YEATS4: variants seen among roughly 807,000 people sequenced by gnomAD.
YEATS4 encodes the protein YEATS domain containing 4, also known as YEATS domain-containing protein 4.
Under a neutral mutation model 30.1 loss-of-function variants are expected in YEATS4, and 17 were observed. That is an observed-to-expected ratio of 0.56 (90% confidence interval 0.39 to 0.85). The LOEUF (loss-of-function observed/expected upper bound fraction) is 0.85. Ranked by LOEUF, YEATS4 falls within the 40% of genes least tolerant of loss-of-function variation. The pLI is 0.00. For synonymous variants in YEATS4, 85 were observed against 87.5 expected, an observed-to-expected ratio of 0.97 and a Z score of 0.16; for missense variants, 142 against 268.3, an observed-to-expected ratio of 0.53 and a Z score of 3.29.
the YEATS4 span, among the ~76,000 whole-genome samples, chr12:69,412,609 C>T: frequency 9.9e-5 from 15 of 152,066 alleles, no homozygotes; most frequent in East Asian, 1.2e-3. Context: ...GCCAAGATCG[C>T]GCCACTGCAC....
At position 69,390,163 on chromosome 12, in the gene YEATS4, GA is replaced by G; in HGVS notation, c.535del (p.Thr179ProfsTer5). The G allele has an allele frequency of 1.3e-6, 2 of 1,584,184 alleles. No homozygotes were observed. Among genetic ancestry groups the G allele is most frequent in the Non-Finnish European group, 1.7e-6 (2 of 1,172,614 alleles). On this transcript the variant is annotated frameshift_variant, in exon 7 of 7. Coordinates refer to ENST00000247843, the MANE Select transcript of YEATS4 (RefSeq NM_006530.4). LOFTEE classifies it high-confidence loss of function. ...TTTCTTTAGTTGCAGAGCTTGAAGTGAAAACCAGAGAAAAATTAGAAGCTGC... is the reference window on the plus strand; with the variant it reads ...TTTCTTTAGTTGCAGAGCTTGAAGTGAAACCAGAGAAAAATTAGAAGCTGC... The part of the protein sequence containing the change: ...HETEFAELEV[K>X]TREKLEAAKK...
the YEATS4 span, among the ~76,000 whole-genome samples, chr12:69,410,338 T>C: frequency 1.3e-5 from 2 of 152,208 alleles, no homozygotes; most frequent in African/African-American, 4.8e-5. Context: ...ATATAAATCA[T>C]CTCCACTGAA....
chr12:69,398,027 G>A, the YEATS4 span, among the ~76,000 whole-genome samples: 11,812 of 151,946 alleles, frequency 0.078, 587 homozygotes, highest in African/African-American at 0.13. Flanking sequence ...TCCAATACCC[G>A]TTTATAATTA....
chr12:69,400,655 C>CT, the YEATS4 span, among the ~76,000 whole-genome samples: 2 of 150,518 alleles, frequency 1.3e-5, no homozygotes, highest in African/African-American at 4.9e-5. Context: ...TGAGAACAGC[C>CT]TAGGCAACAT....
At chr12:69,392,282 G>T (rs959008870), downstream of YEATS4, among the ~76,000 whole-genome samples, 8 of 152,182 alleles carry the variant, frequency 5.3e-5, no homozygotes, top group Non-Finnish European at 1.0e-4. Flanking sequence ...TATATTGCTG[G>T]TAGGAATGTA....
intron 6 of YEATS4, among the ~76,000 whole-genome samples, chr12:69,380,734 C>T (rs1055126514): frequency 1.3e-5 from 2 of 152,174 alleles, no homozygotes; most frequent in African/African-American, 4.8e-5. Flanking sequence ...AGGTTCTTTC[C>T]TATTTTCCCT....
At chr12:69,389,511 TC>T (rs1252703349) in intron 6 of YEATS4, among the ~76,000 whole-genome samples, 3 of 143,416 alleles carry the variant, frequency 2.1e-5, no homozygotes, top group African/African-American at 5.2e-5. Flanking sequence ...AGTTAACGCT[TC>T]CCCCCCACCC....
intron 6 of YEATS4, among the ~76,000 whole-genome samples, chr12:69,382,614 G>C (rs952431200): frequency 6.6e-6 from 1 of 152,210 alleles, no homozygotes; most frequent in Non-Finnish European, 1.5e-5. Context: ...TCTTGGCCTA[G>C]GTAGGTCCAG....
At chr12:69,366,138 G>A (rs959894825) in intron 4 of YEATS4, among the ~76,000 whole-genome samples, 5 of 151,532 alleles carry the variant, frequency 3.3e-5, no homozygotes, top group African/African-American at 7.3e-5. Context: ...GACTACTGCA[G>A]CAAAAAAACT....
chr12:69,377,762 T>C (rs1194859269), intron 6 of YEATS4, among the ~76,000 whole-genome samples: 4 of 152,234 alleles, frequency 2.6e-5, no homozygotes, highest in East Asian at 3.8e-4. Context: ...GCCTAACATA[T>C]GGTCTTTATC....
intron 2 of YEATS4, among the ~76,000 whole-genome samples, chr12:69,363,620 T>G (rs930308717): frequency 2.0e-5 from 3 of 152,202 alleles, no homozygotes; most frequent in Non-Finnish European, 2.9e-5. Flanking sequence ...TTGCTAGTAA[T>G]TTTGTTTCAC....
chr12:69,393,651 A>G (rs1297767842), downstream of YEATS4, among the ~76,000 whole-genome samples: 2 of 152,068 alleles, frequency 1.3e-5, no homozygotes, highest in Non-Finnish European at 2.9e-5. Flanking sequence ...AAAGTTTTGG[A>G]TCTCAAATTT....
Position 69,390,450 on chromosome 12 carries a change from A to C in YEATS4, c.*134A>C. ...TACAGCTGTTGACCATGAATTTCTT[A>C]GCAATAGGAATTTGTACTATTTAAG... On this transcript the variant is annotated 3_prime_UTR_variant, in exon 7 of 7. Transcript: ENST00000247843. The C allele has an allele frequency of 1.3e-6, 1 of 759,890 alleles. No individual in the cohort carries two copies. 47.1% of individuals were successfully genotyped at this position (759,890 alleles called of 1,614,324 possible).
Position 69,390,307 on chromosome 12 carries a change from A to C in YEATS4, c.675A>C (p.Lys225Asn). 1 of 1,585,096 alleles carries C rather than the reference A, an allele frequency of 6.3e-7. No individual in the cohort carries two copies. Among genetic ancestry groups the C allele is most frequent in the South Asian group, 1.2e-5 (1 of 84,860 alleles). ...AACTTGAAGAAGATGACCAAGCAAA[A>C]GACATATAAACAGTTCTCATGAGAA... ...IRKLEEDDQA[K>N]DI The change falls in exon 7 of 7, where the codon AAA becomes AAC. Residue 225 changes from lysine to asparagine, a missense_variant. This residue lies in a region of YEATS4 where 53 missense variants were observed against 68.6 expected (regional missense o/e 0.77). Coordinates refer to ENST00000247843, the MANE Select transcript of YEATS4 (RefSeq NM_006530.4).
chr12:69,376,028 T>C (rs1875859846), intron 6 of YEATS4, among the ~76,000 whole-genome samples: 1 of 152,260 alleles, frequency 6.6e-6, no homozygotes, highest in Non-Finnish European at 1.5e-5. Flanking sequence ...GTTTATCAAC[T>C]CTTAATAGCT....
intron 6 of YEATS4, among the ~76,000 whole-genome samples, chr12:69,377,759 A>G (rs112679864): frequency 6.6e-6 from 1 of 152,214 alleles, no homozygotes; most frequent in African/African-American, 2.4e-5. Context: ...GTGGCCTAAC[A>G]TATGGTCTTT....
chr12:69,369,599 C>G (rs1875567261), intron 4 of YEATS4, among the ~76,000 whole-genome samples: 1 of 152,134 alleles, frequency 6.6e-6, no homozygotes, highest in Admixed American at 6.5e-5. Context: ...AGGCAGTTTT[C>G]TTAAGTTTTC....
At chr12:69,386,353 C>G (rs949805029) in intron 6 of YEATS4, among the ~76,000 whole-genome samples, 4 of 152,174 alleles carry the variant, frequency 2.6e-5, no homozygotes, top group Non-Finnish European at 5.9e-5. Flanking sequence ...TTAAAACTAC[C>G]GCTTACAGCT....
chr12:69,423,331 A>G, the YEATS4 span, among the ~76,000 whole-genome samples: 1 of 152,258 alleles, frequency 6.6e-6, no homozygotes, highest in Admixed American at 6.5e-5. Context: ...TAGATGAAGA[A>G]ACAAGTAATT....
Sources: gnomAD v4.1 joint callset for allele counts (sites outside exome capture counted in the v4.1 genomes callset) on GRCh38, gnomAD v4.1.1 for gene constraint, gnomAD v4.1.1 regional missense constraint, MANE v1.5 for transcripts, NCBI Gene and HGNC (gene_info 2026-07-23, HGNC 2026-07-21) for gene names.